The following TRAPPC9 variants were observed in gnomAD, a reference collection of about 807,000 sequenced individuals.
The protein encoded by TRAPPC9 is trafficking protein particle complex subunit 9.
TRAPPC9 carries 83 observed loss-of-function variants against 124.0 expected under a neutral mutation model. That is an observed-to-expected ratio of 0.67 (90% confidence interval 0.56 to 0.80). The LOEUF (loss-of-function observed/expected upper bound fraction) is 0.80. Among genes scored for constraint, TRAPPC9 ranks in the 30% least tolerant of loss-of-function variants. TRAPPC9 has a pLI of 0.00. For synonymous variants in TRAPPC9, 638 were observed against 617.5 expected (o/e 1.03, Z -0.49); for missense variants, 1,302 against 1,508.3 (o/e 0.86, Z 2.27).
At chr8:140,213,624 T>C (rs778514009) in intron 17 of TRAPPC9, among the ~76,000 whole-genome samples, 2 of 152,150 alleles carry the variant, frequency 1.3e-5, no homozygotes, top group Admixed American at 6.5e-5. Context: ...GCACAACCTC[T>C]GGCTCCCACA....
intron 21 of TRAPPC9, among the ~76,000 whole-genome samples, chr8:139,829,098 T>TA (rs1825810299): frequency 6.6e-6 from 1 of 152,194 alleles, no homozygotes; most frequent in Non-Finnish European, 1.5e-5. Context: ...CTTGTTCCTG[T>TA]ACAAATCTTC....
At chr8:139,983,211 C>T (rs186435454) in intron 19 of TRAPPC9, among the ~76,000 whole-genome samples, 1 of 152,160 alleles carries the variant, frequency 6.6e-6, no homozygotes, top group Non-Finnish European at 1.5e-5. Context: ...CCTCACCACC[C>T]ACAGAATCTG....
At chr8:139,915,726 G>A (rs1441119798) in intron 19 of TRAPPC9, among the ~76,000 whole-genome samples, 2 of 152,200 alleles carry the variant, frequency 1.3e-5, no homozygotes, top group African/African-American at 4.8e-5. Context: ...GGGCAGAGGG[G>A]ACAAGAGGCC....
intron 21 of TRAPPC9, among the ~76,000 whole-genome samples, chr8:139,772,980 G>A (rs1256088763): frequency 6.6e-6 from 1 of 152,258 alleles, no homozygotes; most frequent in African/African-American, 2.4e-5. Flanking sequence ...GCTTCATGAA[G>A]CAGGTGAGGC....
intron 2 of TRAPPC9, among the ~76,000 whole-genome samples, chr8:140,450,275 C>T (rs1013169591): frequency 6.6e-6 from 1 of 152,136 alleles, no homozygotes. Context: ...GCATGAGAAT[C>T]ACTTGAACCC....
intron 21 of TRAPPC9, among the ~76,000 whole-genome samples, chr8:139,833,152 A>G (rs1360596962): frequency 1.3e-5 from 2 of 152,200 alleles, no homozygotes; most frequent in Admixed American, 6.5e-5. Context: ...TCTGCCAACA[A>G]TAAGAACAAG....
At chr8:139,886,197 T>C (rs55853591) in intron 20 of TRAPPC9, among the ~76,000 whole-genome samples, 1 of 152,210 alleles carries the variant, frequency 6.6e-6, no homozygotes, top group Non-Finnish European at 1.5e-5. Context: ...TCTGGTAAAT[T>C]AAACTACTGT....
chr8:139,793,346 G>A lies in TRAPPC9; in HGVS notation c.3056-61144C>T, dbSNP rs556797627. On this transcript the variant is annotated intron_variant, in intron 21 of 22. Coordinates refer to ENST00000438773, the MANE Select transcript of TRAPPC9 (RefSeq NM_001160372.4). ...CTCATGGGTGTGCCCTGCACTACTT[G>A]ATGCCAGTCTTTGCAGGAGACTGCA... Among the ~76,000 whole-genome samples the A allele has an allele frequency of 3.3e-4, 50 of 152,280 alleles. No individual in the cohort carries two copies. The South Asian group carries it at 0.01, about 31-fold the overall frequency.
chr8:139,898,403 G>A (rs1830799796), intron 20 of TRAPPC9, among the ~76,000 whole-genome samples: 1 of 152,220 alleles, frequency 6.6e-6, no homozygotes, highest in African/African-American at 2.4e-5. Context: ...ACAAGTACAA[G>A]TCAACTGAAT....
intron 20 of TRAPPC9, among the ~76,000 whole-genome samples, chr8:139,902,145 C>T (rs1478106972): frequency 6.6e-6 from 1 of 152,230 alleles, no homozygotes; most frequent in East Asian, 1.9e-4. Flanking sequence ...CATGCATGCA[C>T]ACACATGAAG....
chr8:139,807,276 G>A (rs768264235), intron 21 of TRAPPC9, among the ~76,000 whole-genome samples: 1 of 152,206 alleles, frequency 6.6e-6, no homozygotes, highest in Non-Finnish European at 1.5e-5. Context: ...GGTCACACCA[G>A]CCAGTTACAG....
At chr8:139,868,097 G>C (rs1268521603) in intron 21 of TRAPPC9, among the ~76,000 whole-genome samples, 1 of 152,224 alleles carries the variant, frequency 6.6e-6, no homozygotes, top group Non-Finnish European at 1.5e-5. Context: ...AGTGGTTCAT[G>C]CCTGTAATCC....
chr8:140,391,399 C>A (rs1238234967), intron 7 of TRAPPC9, among the ~76,000 whole-genome samples: 2 of 152,186 alleles, frequency 1.3e-5, no homozygotes, highest in Admixed American at 1.3e-4. Flanking sequence ...CTGTCACTTG[C>A]CATTTTTGAC....
chr8:140,270,221 G>T (rs1169134488), intron 15 of TRAPPC9, among the ~76,000 whole-genome samples: 1 of 152,196 alleles, frequency 6.6e-6, no homozygotes, highest in Non-Finnish European at 1.5e-5. Context: ...GAAGGGGGCG[G>T]TGTCTAAGGT....
At chr8:140,425,274 C>T (rs2070383176) in intron 5 of TRAPPC9, among the ~76,000 whole-genome samples, 2 of 152,332 alleles carry the variant, frequency 1.3e-5, no homozygotes, top group Admixed American at 1.3e-4. Flanking sequence ...TCTTTACTCG[C>T]TCTCCCATTG....
intron 19 of TRAPPC9, among the ~76,000 whole-genome samples, chr8:139,979,954 C>T (rs183416322): frequency 2.0e-5 from 3 of 152,282 alleles, no homozygotes; most frequent in African/African-American, 4.8e-5. Context: ...TGGGTGCTGG[C>T]GGGAGGCCTT....
At chr8:139,777,695 C>T (rs1821489432) in intron 21 of TRAPPC9, among the ~76,000 whole-genome samples, 1 of 152,214 alleles carries the variant, frequency 6.6e-6, no homozygotes, top group African/African-American at 2.4e-5. Flanking sequence ...GATAGATTTA[C>T]CCTCCGCCTG....
At chr8:139,941,267 G>A (rs971143521) in intron 19 of TRAPPC9, among the ~76,000 whole-genome samples, 6 of 152,230 alleles carry the variant, frequency 3.9e-5, no homozygotes, top group Non-Finnish European at 8.8e-5. Context: ...GGACCCTGGG[G>A]CTGCAGAAGC....
chr8:139,928,100 T>C (rs1423697964), intron 19 of TRAPPC9, among the ~76,000 whole-genome samples: 1 of 152,222 alleles, frequency 6.6e-6, no homozygotes, highest in African/African-American at 2.4e-5. Context: ...ATAATCCTTC[T>C]ATAAAGTTGT....
Sources: allele counts gnomAD v4.1 joint callset (sites outside exome capture counted in the v4.1 genomes callset), GRCh38; gene constraint gnomAD v4.1.1; transcripts MANE v1.5; gene names NCBI Gene and HGNC (gene_info 2026-07-23, HGNC 2026-07-21).